Variants in FBXO31 observed in about 807,000 individuals in gnomAD.
FBXO31 encodes the protein F-box only protein 31.
FBXO31 carries 24 observed loss-of-function variants against 54.4 expected under a neutral mutation model. The observed-to-expected ratio is 0.44, with a 90% CI of 0.32 to 0.62. The LOEUF (loss-of-function observed/expected upper bound fraction) is 0.62, where lower values mean the gene tolerates loss of function less well. FBXO31 is among the 20% of genes least tolerant of loss of function. The probability of loss-of-function intolerance (pLI) is 0.05; values close to 1 mark genes in which losing one functional copy is unlikely to be tolerated. For missense variants in FBXO31, 665 were observed against 787.1 expected (o/e 0.84, Z 1.86); for synonymous variants, 388 against 335.6 (o/e 1.16, Z -1.71).
chr16:87,360,260 G>C (rs760660906), intron 2 of FBXO31, 35 bp downstream of exon 2: 1 of 1,589,938 alleles, frequency 6.3e-7, no homozygotes, highest in Non-Finnish European at 8.6e-7. Context: ...CTGGTACAAA[G>C]TTAATCATGG....
chr16:87,365,802 C>T (rs1377060715), intron 1 of FBXO31, among the ~76,000 whole-genome samples: 1 of 152,066 alleles, frequency 6.6e-6, no homozygotes, highest in African/African-American at 2.4e-5. Context: ...GGAGGCCAGG[C>T]AAATCACTTG....
chr16:87,360,242 G>A (rs998969139), intron 2 of FBXO31, 53 bp downstream of exon 2: 1 of 1,511,036 alleles, frequency 6.6e-7, no homozygotes, highest in Non-Finnish European at 9.2e-7. Flanking sequence ...GATGTGCACT[G>A]TCTGCTTCTG....
intron 1 of FBXO31, among the ~76,000 whole-genome samples, chr16:87,360,989 C>G (rs998521629): frequency 6.6e-6 from 1 of 152,180 alleles, no homozygotes; most frequent in Non-Finnish European, 1.5e-5. Flanking sequence ...TACTCCCACC[C>G]CACCACAGCT....
chr16:87,344,215 C>T (rs1036937009), intron 3 of FBXO31, among the ~76,000 whole-genome samples: 10 of 152,378 alleles, frequency 6.6e-5, no homozygotes, highest in Middle Eastern at 6.8e-3. Flanking sequence ...GCAGGAAACA[C>T]CCCCTTTCTT....
chr16:87,336,060 C>T lies in FBXO31; in HGVS notation c.842+95G>A, dbSNP rs1169938851. 9.9e-7 allele frequency: 1 copy of T among 1,014,008 alleles called. No homozygotes were observed. The highest frequency in any genetic ancestry group is 1.5e-6 in the Non-Finnish European group (1 of 675,608). 62.8% of individuals were successfully genotyped at this position (1,014,008 alleles called of 1,614,324 possible). A position where few individuals can be genotyped will look rare whatever the true frequency, so the allele number is the denominator to read the frequency against. ...GGCTGAACCCCAGCACCCACTGAGA[C>T]AAAGGACTATGCCCCAGCACCCACC... is the stretch of plus-strand genomic sequence containing the variant. On this transcript the variant is annotated intron_variant, in intron 6 of 8. Coordinates refer to ENST00000311635, the MANE Select transcript of FBXO31 (RefSeq NM_024735.5). This position sits in a 1 kb window ranked among gnomAD's most constrained non-coding sequence, Gnocchi z 6.5.
At position 87,383,643 on chromosome 16, in the gene FBXO31, C is replaced by T; in HGVS notation, c.102G>A (p.Glu34=). Residue 34 remains glutamate (E), a synonymous_variant, in exon 1 of 9, where the codon GAG becomes GAA. Coordinates refer to ENST00000311635, the MANE Select transcript of FBXO31 (RefSeq NM_024735.5). The surrounding 1 kb of genome is among the most constrained non-coding windows in gnomAD (Gnocchi z 4.9). Reference sequence around the variant, plus strand: ...GCTCCTCCTCGGGGTCTGTGTCCGGCTCGCTGTCGGCCGCCGCCGTCTCGG... The same window carrying T: ...GCTCCTCCTCGGGGTCTGTGTCCGGTTCGCTGTCGGCCGCCGCCGTCTCGG... ...GPAETAAADS[E]PDTDPEEERI... 1.5e-6 allele frequency: 2 copies of T among 1,359,362 alleles called. No individual in the cohort carries two copies. The highest frequency in any genetic ancestry group is 1.9e-6 in the Non-Finnish European group (2 of 1,059,424). The allele number at this position is 1,359,362 out of a possible 1,614,324, so 84.2% of individuals were successfully genotyped here.
intron 2 of FBXO31, among the ~76,000 whole-genome samples, chr16:87,356,127 G>A (rs761613150): frequency 6.6e-6 from 1 of 151,752 alleles, no homozygotes; most frequent in African/African-American, 2.4e-5. Flanking sequence ...TACTTGGGAC[G>A]CTGAGGCACG....
chr16:87,354,119 T>C (rs1029057202), intron 2 of FBXO31, among the ~76,000 whole-genome samples: 1 of 152,260 alleles, frequency 6.6e-6, no homozygotes, highest in Non-Finnish European at 1.5e-5. Flanking sequence ...TTTTAGAAGA[T>C]ATCATTGTTA....
At chr16:87,372,210 T>A (rs1323634662) in intron 1 of FBXO31, among the ~76,000 whole-genome samples, 1 of 151,828 alleles carries the variant, frequency 6.6e-6, no homozygotes. Flanking sequence ...GGCAACAGAG[T>A]AGGGAAAAAT....
At chr16:87,332,049 T>G (rs962696046) in intron 8 of FBXO31, among the ~76,000 whole-genome samples, 6 of 152,230 alleles carry the variant, frequency 3.9e-5, no homozygotes, top group African/African-American at 7.2e-5. Context: ...AAGACACTTA[T>G]GTCTGTCTTG....
intron 1 of FBXO31, among the ~76,000 whole-genome samples, chr16:87,377,053 C>G (rs1387025483): frequency 6.6e-6 from 1 of 152,230 alleles, no homozygotes; most frequent in African/African-American, 2.4e-5. Flanking sequence ...ACAATGAACT[C>G]GTGAAACTGA....
chr16:87,356,047 G>A (rs1183747068), intron 2 of FBXO31, among the ~76,000 whole-genome samples: 2 of 152,052 alleles, frequency 1.3e-5, no homozygotes, highest in Admixed American at 6.6e-5. Context: ...TGGCCAACAT[G>A]GTGAAACCCT....
At chr16:87,352,372 T>C (rs1431366348) in intron 2 of FBXO31, among the ~76,000 whole-genome samples, 2 of 152,226 alleles carry the variant, frequency 1.3e-5, no homozygotes, top group African/African-American at 4.8e-5. Context: ...TTACTAAATG[T>C]TGTTTTAACA....
intron 1 of FBXO31, among the ~76,000 whole-genome samples, chr16:87,369,624 T>C (rs185472297): frequency 2.2e-4 from 33 of 152,370 alleles, no homozygotes; most frequent in Non-Finnish European, 2.5e-4. Flanking sequence ...TGAATAAAAC[T>C]GCTTCAGACA....
chr16:87,335,994 G>C lies in FBXO31; in HGVS notation c.842+161C>G, dbSNP rs1567613765. On this transcript the variant is annotated intron_variant, in intron 6 of 8. Transcript: ENST00000311635. The surrounding 1 kb of genome is among the most constrained non-coding windows in gnomAD (Gnocchi z 5.7). ...GAGCGAACTATGCTCCAAGCACCCAGAGAGAGAGGGGCTGTACTCCCAGCC... is the reference window on the plus strand; with the variant it reads ...GAGCGAACTATGCTCCAAGCACCCACAGAGAGAGGGGCTGTACTCCCAGCC... Among the ~76,000 whole-genome samples, 1 of 150,848 alleles carries C rather than the reference G, an allele frequency of 6.6e-6. No homozygotes were observed. Among genetic ancestry groups the C allele is most frequent in the East Asian group, 1.9e-4 (1 of 5,164 alleles).
intron 2 of FBXO31, among the ~76,000 whole-genome samples, chr16:87,348,583 T>C (rs1250305633): frequency 2.0e-5 from 3 of 151,972 alleles, no homozygotes. Flanking sequence ...AGCCAACATA[T>C]AGGGTGCTTT....
intron 1 of FBXO31, among the ~76,000 whole-genome samples, chr16:87,365,596 C>G (rs971957759): frequency 6.6e-6 from 1 of 152,204 alleles, no homozygotes; most frequent in Admixed American, 6.5e-5. Flanking sequence ...GAGCCCTGCA[C>G]GGGCTGTGAA....
In FBXO31 at chr16:87,383,160, C is replaced by T. The variant is rs1907159345; in HGVS notation, c.340+245G>A. Among the ~76,000 whole-genome samples, 1 of 152,082 alleles carries T rather than the reference C, an allele frequency of 6.6e-6. No individual in the cohort carries two copies. Among genetic ancestry groups the T allele is most frequent in the African/African-American group, 2.4e-5 (1 of 41,430 alleles). ...CCTCCCTGACGCCCTCAACCCCTCC[C>T]TACCCCGTCTGCCTCTCTTGGACCC... is the stretch of plus-strand genomic sequence containing the variant. On this transcript the variant is annotated intron_variant, in intron 1 of 8. Transcript: ENST00000311635. This position sits in a 1 kb window ranked among gnomAD's most constrained non-coding sequence, Gnocchi z 4.9.
chr16:87,353,118 G>T (rs568524740), intron 2 of FBXO31, among the ~76,000 whole-genome samples: 3 of 152,320 alleles, frequency 2.0e-5, no homozygotes, highest in South Asian at 4.1e-4. Flanking sequence ...GCCTCCTGGA[G>T]GCTGCAGGGG....
Sources: allele counts gnomAD v4.1 joint callset (sites outside exome capture counted in the v4.1 genomes callset), GRCh38; gene constraint gnomAD v4.1.1; non-coding constraint Gnocchi (gnomAD v3.1); transcripts MANE v1.5; gene names NCBI Gene and HGNC (gene_info 2026-07-23, HGNC 2026-07-21).